Variants in DLGAP2 observed in about 807,000 individuals in gnomAD.
DLGAP2 encodes disks large-associated protein 2.
DLGAP2 carries 26 observed loss-of-function variants against 100.3 expected under a neutral mutation model. That is an observed-to-expected ratio of 0.26 (90% CI 0.19 to 0.36). DLGAP2 has a LOEUF of 0.36. Ranked by LOEUF, DLGAP2 falls within the 10% of genes least tolerant of loss-of-function variation. DLGAP2 has a pLI of 1.00. For missense variants in DLGAP2, 1,858 were observed against 1,453.2 expected, an observed-to-expected ratio of 1.28 and a Z score of -4.53; for synonymous variants, 886 against 630.1, an observed-to-expected ratio of 1.41 and a Z score of -6.08.
Position 1,111,108 on chromosome 8 carries a change from C to T in DLGAP2, c.74-147743C>T, listed in dbSNP as rs190908891. ...GCTGCTTTCTGCCCGGGCCTTCCTCCGCCTTACCAAGCCCAGAACATCACT... is the reference window on the plus strand; with the variant it reads ...GCTGCTTTCTGCCCGGGCCTTCCTCTGCCTTACCAAGCCCAGAACATCACT... On this transcript the variant is annotated intron_variant, in intron 2 of 14. Coordinates refer to ENST00000637795, the MANE Select transcript of DLGAP2 (RefSeq NM_001346810.2). 1.3e-3 allele frequency among the ~76,000 whole-genome samples: 195 copies of T among 152,342 alleles called. 1 individual carries two copies. Among genetic ancestry groups the T allele is most frequent in the African/African-American group, 4.4e-3 (184 of 41,574 alleles).
Position 1,623,323 on chromosome 8 carries a change from G to T in DLGAP2, c.1443-3417G>T, listed in dbSNP as rs548665930. On this transcript the variant is annotated intron_variant, in intron 6 of 14. Transcript: ENST00000637795. ...TGAGTGCATGACCTGGCACCAGTGT[G>T]TGATGACCTGGCACCAGTGTGTGAA... 2.0e-5 allele frequency among the ~76,000 whole-genome samples: 3 copies of T among 151,706 alleles called. No homozygotes were observed. In the South Asian group the frequency reaches 6.2e-4, roughly 32 times the overall value.
At chr8:1,199,938 C>A (rs539405239) in intron 2 of DLGAP2, among the ~76,000 whole-genome samples, 1 of 67,434 alleles carries the variant, frequency 1.5e-5, no homozygotes, top group African/African-American at 6.1e-5. Context: ...TGGAAGGATT[C>A]CCCCCCACAA....
chr8:854,043 G>C (rs971862402), intron 1 of DLGAP2, among the ~76,000 whole-genome samples: 10 of 152,176 alleles, frequency 6.6e-5, no homozygotes, highest in Non-Finnish European at 1.2e-4. Flanking sequence ...CCAGGAAAGA[G>C]GCCCTCGGCA....
At chr8:1,606,184 G>A (rs1277830952) in intron 6 of DLGAP2, among the ~76,000 whole-genome samples, 7 of 152,058 alleles carry the variant, frequency 4.6e-5, no homozygotes, top group South Asian at 2.1e-4. Flanking sequence ...CATTCTGAAC[G>A]TACGGTTCAT....
At chr8:755,569 G>A (rs1348997681) in intron 1 of DLGAP2, among the ~76,000 whole-genome samples, 1 of 152,214 alleles carries the variant, frequency 6.6e-6, no homozygotes, top group Non-Finnish European at 1.5e-5. Flanking sequence ...GCGGAGAAGC[G>A]GCATTTGAGG....
intron 4 of DLGAP2, among the ~76,000 whole-genome samples, chr8:1,504,587 C>G (rs1026597784): frequency 2.0e-5 from 3 of 152,204 alleles, no homozygotes; most frequent in Non-Finnish European, 4.4e-5. Context: ...CTGTTCTACC[C>G]TCTGCTTCTG....
At chr8:1,632,114 G>C (rs1797662213) in intron 7 of DLGAP2, among the ~76,000 whole-genome samples, 1 of 151,692 alleles carries the variant, frequency 6.6e-6, no homozygotes, top group Non-Finnish European at 1.5e-5. Flanking sequence ...GGAAGGGAGG[G>C]AGGATGGGAG....
intron 14 of DLGAP2, among the ~76,000 whole-genome samples, chr8:1,698,001 T>C (rs1205677361): frequency 1.3e-5 from 2 of 152,190 alleles, no homozygotes; most frequent in Non-Finnish European, 2.9e-5. Context: ...TCTAGACAAA[T>C]GTTATTAATT....
At chr8:968,537 G>A (rs183202912) in intron 2 of DLGAP2, among the ~76,000 whole-genome samples, 67 of 152,318 alleles carry the variant, frequency 4.4e-4, no homozygotes, top group African/African-American at 1.5e-3. Context: ...TGGGATCCCT[G>A]TGGGGCTCCT....
chr8:925,502 TG>T (rs1298428185), intron 2 of DLGAP2, among the ~76,000 whole-genome samples: 1 of 152,050 alleles, frequency 6.6e-6, no homozygotes, highest in East Asian at 1.9e-4. Context: ...ATCCATGACT[TG>T]GGGGGCAGCC....
chr8:1,531,235 C>CGTGTGTGTGTGTGT lies in DLGAP2; in HGVS notation c.173-17386_173-17385insTGTGTGTGTGTGTG, dbSNP rs529630124. ...TAAATAGTAAGATATTATTAGAGAG[C>CGTGTGTGTGTGTGT]GTGTGCGTGTGTGTGTGTGTGTGTG... On this transcript the variant is annotated intron_variant, in intron 4 of 14. Transcript: ENST00000637795. Among the ~76,000 whole-genome samples the CGTGTGTGTGTGTGT allele has an allele frequency of 2.0e-3, 287 of 140,220 alleles. 1 individual carries two copies. Among genetic ancestry groups the CGTGTGTGTGTGTGT allele is most frequent in the African/African-American group, 7.8e-3 (279 of 35,742 alleles). The allele number at this position is 140,220 out of a possible 152,430, so 92.0% of individuals were successfully genotyped here. A position where few individuals can be genotyped will look rare whatever the true frequency, so the allele number is the denominator to read the frequency against.
In DLGAP2 at chr8:1,702,656, G is replaced by A. The variant is rs1385428753; in HGVS notation, c.*1250G>A. On this transcript the variant is annotated 3_prime_UTR_variant, in exon 15 of 15. Coordinates refer to ENST00000637795, the MANE Select transcript of DLGAP2 (RefSeq NM_001346810.2). ...TGGTGTTCATGACTCTGTGGTCGGT[G>A]CCAGAGGAAAATAGGAACGACTCTA... 6.6e-6 allele frequency: 1 copy of A among 152,290 alleles called. No individual in the cohort carries two copies. The highest frequency in any genetic ancestry group is 2.4e-5 in the African/African-American group (1 of 41,430). 9.4% of individuals were successfully genotyped at this position (152,290 alleles called of 1,614,324 possible).
chr8:1,048,452 A>G (rs1206820661), intron 2 of DLGAP2, among the ~76,000 whole-genome samples: 1 of 152,062 alleles, frequency 6.6e-6, no homozygotes, highest in African/African-American at 2.4e-5. Context: ...TAGCGACGGC[A>G]TCGTCTGTGC....
chr8:1,201,856 CG>C (rs1248674791), intron 2 of DLGAP2, among the ~76,000 whole-genome samples: 1 of 151,864 alleles, frequency 6.6e-6, no homozygotes, highest in Non-Finnish European at 1.5e-5. Flanking sequence ...TGTATGTGTA[CG>C]GTATCTATCT....
At chr8:1,346,610 G>C (rs1246675238) in intron 3 of DLGAP2, among the ~76,000 whole-genome samples, 1 of 151,770 alleles carries the variant, frequency 6.6e-6, no homozygotes. Context: ...TGGTAGCTGT[G>C]TGGAGGTTGA....
chr8:1,509,457 T>C (rs747014710), intron 4 of DLGAP2, among the ~76,000 whole-genome samples: 1 of 152,042 alleles, frequency 6.6e-6, no homozygotes, highest in Non-Finnish European at 1.5e-5. Context: ...TGATGTAAAA[T>C]ATACGTCTTA....
intron 8 of DLGAP2, among the ~76,000 whole-genome samples, chr8:1,663,258 C>T (rs1024458534): frequency 2.0e-5 from 3 of 151,924 alleles, no homozygotes; most frequent in Non-Finnish European, 4.4e-5. Flanking sequence ...CATGCGCACT[C>T]CAAGGTGACT....
intron 2 of DLGAP2, among the ~76,000 whole-genome samples, chr8:1,028,888 G>A (rs1190859123): frequency 6.6e-6 from 1 of 152,210 alleles, no homozygotes; most frequent in African/African-American, 2.4e-5. Context: ...GCGGGATGTG[G>A]AGGCCTCCAC....
At position 1,436,108 on chromosome 8, in the gene DLGAP2, T is replaced by G. The variant is rs866350914; in HGVS notation, c.107-65258T>G. 5.9e-5 allele frequency among the ~76,000 whole-genome samples: 9 copies of G among 152,154 alleles called. No homozygotes were observed. In the South Asian group the frequency reaches 8.3e-4, roughly 14 times the overall value. ...ATAGGTGTATATATGAAAGGGAGTT[T>G]ATTGAGGAGAATTGACTCACAACCA... On this transcript the variant is annotated intron_variant, in intron 3 of 14. Coordinates refer to ENST00000637795, the MANE Select transcript of DLGAP2 (RefSeq NM_001346810.2).
Sources: gnomAD v4.1 joint callset for allele counts (sites outside exome capture counted in the v4.1 genomes callset) on GRCh38, gnomAD v4.1.1 for gene constraint, MANE v1.5 for transcripts, NCBI Gene and HGNC (gene_info 2026-07-23, HGNC 2026-07-21) for gene names.